PTK2B: variants seen among roughly 807,000 people sequenced by gnomAD.
PTK2B encodes protein tyrosine kinase 2 beta.
In PTK2B, 71 loss-of-function variants were observed where a neutral mutation model predicts 142.9. That is an observed-to-expected ratio of 0.50 (90% CI 0.41 to 0.61). The LOEUF (loss-of-function observed/expected upper bound fraction) is 0.61, where lower values mean the gene tolerates loss of function less well. PTK2B is among the 20% of genes least tolerant of loss of function. The pLI is 0.00. For missense variants in PTK2B, 1,105 were observed against 1,320.4 expected, an observed-to-expected ratio of 0.84 and a Z score of 2.53; for synonymous variants, 519 against 503.4, an observed-to-expected ratio of 1.03 and a Z score of -0.42.
At chr8:27,362,499 A>C (rs1805771143) in intron 1 of PTK2B, among the ~76,000 whole-genome samples, 1 of 152,144 alleles carries the variant, frequency 6.6e-6, no homozygotes, top group Non-Finnish European at 1.5e-5. Flanking sequence ...GTTTTTGCTG[A>C]GAGATGACTG....
intron 2 of PTK2B, among the ~76,000 whole-genome samples, chr8:27,401,541 A>T (rs561339415): frequency 6.6e-6 from 1 of 152,214 alleles, no homozygotes; most frequent in Non-Finnish European, 1.5e-5. Flanking sequence ...AAGAAGGGAA[A>T]GCTAAAGGAA....
chr8:27,437,595 G>A, intron 17 of PTK2B, 99 bp downstream of exon 17: 1 of 1,228,652 alleles, frequency 8.1e-7, no homozygotes. Context: ...GTGTTCCACT[G>A]AAATAAGCCA....
At chr8:27,351,860 CG>C (rs1805112611) in intron 1 of PTK2B, among the ~76,000 whole-genome samples, 1 of 152,210 alleles carries the variant, frequency 6.6e-6, no homozygotes, top group Non-Finnish European at 1.5e-5. Context: ...GTTTGACTTT[CG>C]TAACCCACTT....
At chr8:27,451,992 C>G (rs868575984) in intron 27 of PTK2B, 1 of 168,762 alleles carries the variant, frequency 5.9e-6, no homozygotes, top group Non-Finnish European at 1.2e-5. Flanking sequence ...GCAGTAAGCC[C>G]GGGGCCTGGA....
At chr8:27,420,239 C>T (rs1809660853) in intron 3 of PTK2B, among the ~76,000 whole-genome samples, 166 bp downstream of exon 3, 1 of 152,094 alleles carries the variant, frequency 6.6e-6, no homozygotes, top group Non-Finnish European at 1.5e-5. Context: ...ATGTATTTTC[C>T]AGGACCTAAC....
chr8:27,404,799 C>T (rs1034984672), intron 2 of PTK2B, among the ~76,000 whole-genome samples: 1 of 152,186 alleles, frequency 6.6e-6, no homozygotes, highest in Non-Finnish European at 1.5e-5. Context: ...CTCAACCAGA[C>T]ACAAGGTGCA....
chr8:27,312,112 A>G (rs938472618), intron 1 of PTK2B, among the ~76,000 whole-genome samples: 2 of 152,210 alleles, frequency 1.3e-5, no homozygotes, highest in Non-Finnish European at 2.9e-5. Context: ...CAGGTACAGT[A>G]GGCCTGGATG....
chr8:27,379,988 C>T (rs550035980), intron 1 of PTK2B, among the ~76,000 whole-genome samples: 33 of 152,148 alleles, frequency 2.2e-4, no homozygotes, highest in African/African-American at 7.0e-4. Context: ...GCAATCTGCC[C>T]GCCTTGGCAT....
intron 1 of PTK2B, among the ~76,000 whole-genome samples, chr8:27,389,081 A>G (rs1016643110): frequency 1.3e-5 from 2 of 152,150 alleles, no homozygotes; most frequent in Non-Finnish European, 2.9e-5. Flanking sequence ...TCCCATGCTT[A>G]GAGTTCTATT....
Position 27,433,435 on chromosome 8 carries a change from G to A in PTK2B, c.988G>A (p.Ala330Thr). The A allele has an allele frequency of 1.9e-6, 3 of 1,613,446 alleles. No individual in the cohort carries two copies. The highest frequency in any genetic ancestry group is 1.3e-5 in the African/African-American group (1 of 75,060). ...LQLGIEGAPQ[A>T]LSIKTSSLAE... ...CCCTTGGCTGGTCTCTGCTCCGCAG[G>A]CCTTGTCCATCAAAACCTCATCCCT... The change falls in exon 11 of 31, where the codon GCC (alanine) becomes ACC (threonine). Residue 330 changes from alanine (A) to threonine (T), a missense_variant and splice_region_variant. Ala to Thr is a moderately conservative substitution (Grantham distance 58). Transcript: ENST00000346049.
At chr8:27,420,840 C>T in intron 4 of PTK2B, 96 bp downstream of exon 4, 2 of 1,195,548 alleles carry the variant, frequency 1.7e-6, no homozygotes, top group South Asian at 2.6e-5. Context: ...AAGACAAAGC[C>T]CAGATTATGG....
chr8:27,438,453 G>C (rs1279007481), intron 18 of PTK2B, among the ~76,000 whole-genome samples: 3 of 5,566 alleles, frequency 5.4e-4, no homozygotes, highest in East Asian at 2.3e-3. Context: ...TGGCTCTGTG[G>C]CCTTGTGCCT....
upstream of PTK2B, among the ~76,000 whole-genome samples, chr8:27,324,768 C>T (rs1803318200): frequency 6.6e-6 from 1 of 152,186 alleles, no homozygotes; most frequent in Non-Finnish European, 1.5e-5. Context: ...GCGTACACTC[C>T]ACTTTTTTCA....
chr8:27,312,633 A>G (rs752991069), intron 2 of PTK2B, among the ~76,000 whole-genome samples: 3 of 152,226 alleles, frequency 2.0e-5, no homozygotes, highest in Non-Finnish European at 2.9e-5. Context: ...AATGGCCTCA[A>G]AAGCAGAAAT....
Position 27,447,364 on chromosome 8 carries a change from A to G in PTK2B, c.2340+1445A>G, listed in dbSNP as rs568016906. Among the ~76,000 whole-genome samples the G allele has an allele frequency of 2.0e-5, 3 of 152,350 alleles. No homozygotes were observed. The South Asian group carries it at 6.2e-4, about 32-fold the overall frequency. ...CACTGAGAAAGTCTCTTCCAGGTAG[A>G]ATGCTGAGAAGGTATAATAGGCTCC... On this transcript the variant is annotated intron_variant, in intron 24 of 30. Coordinates refer to ENST00000346049, the MANE Select transcript of PTK2B (RefSeq NM_173176.3).
chr8:27,348,755 G>A (rs914229419), intron 1 of PTK2B, among the ~76,000 whole-genome samples: 3 of 152,108 alleles, frequency 2.0e-5, no homozygotes, highest in Middle Eastern at 3.4e-3. Flanking sequence ...TTGAAGGGCC[G>A]GATCTCTCTG....
chr8:27,434,506 C>A lies in PTK2B; in HGVS notation c.1146-7C>A, dbSNP rs769624106. 8.7e-6 allele frequency: 14 copies of A among 1,609,354 alleles called. No individual in the cohort carries two copies. In the South Asian group the frequency reaches 1.6e-4, roughly 18 times the overall value. On this transcript the variant is annotated splice_region_variant and splice_polypyrimidine_tract_variant and intron_variant, in intron 12 of 30. Transcript: ENST00000346049. ...TCACCTGGCTTCTGCTCTCTCACCT[C>A]CTACAGAAACCTGGAGGCCCGGCGG...
At chr8:27,360,336 G>T (rs1340201030) in intron 1 of PTK2B, among the ~76,000 whole-genome samples, 1 of 152,268 alleles carries the variant, frequency 6.6e-6, no homozygotes, top group African/African-American at 2.4e-5. Context: ...AGGAATCCAT[G>T]CGCGATGCCG....
At chr8:27,438,376 C>A in intron 18 of PTK2B, among the ~76,000 whole-genome samples, 1 of 152,138 alleles carries the variant, frequency 6.6e-6, no homozygotes, top group Non-Finnish European at 1.5e-5. Context: ...GGCTTTGTTC[C>A]CATTCCCTGC....
Sources: gnomAD v4.1 joint callset for allele counts (sites outside exome capture counted in the v4.1 genomes callset) on GRCh38, gnomAD v4.1.1 for gene constraint, MANE v1.5 for transcripts, NCBI Gene and HGNC (gene_info 2026-07-23, HGNC 2026-07-21) for gene names.